ZKSCAN2: variants seen among roughly 807,000 people sequenced by gnomAD.
ZKSCAN2 encodes the protein zinc finger protein with KRAB and SCAN domains 2.
ZKSCAN2 carries 38 observed loss-of-function variants against 90.5 expected under a neutral mutation model. The ratio of observed to expected loss-of-function variants is 0.42; its 90% CI spans 0.32 to 0.55. The LOEUF is 0.55. Ranked by LOEUF, ZKSCAN2 falls within the 20% of genes least tolerant of loss-of-function variation. The pLI is 0.11. For missense variants in ZKSCAN2, 1,167 were observed against 1,202.6 expected, an observed-to-expected ratio of 0.97 and a Z score of 0.44; for synonymous variants, 429 against 421.6, an observed-to-expected ratio of 1.02 and a Z score of -0.22.
chr16:25,240,328 T>C lies in ZKSCAN2; in HGVS notation c.2392A>G (p.Thr798Ala), dbSNP rs1962832472. Residue 798 changes from threonine to alanine, a missense_variant, in exon 7 of 7, where the codon ACA becomes GCA. Thr to Ala is a moderately conservative substitution (Grantham distance 58). Transcript: ENST00000328086. ...RSLIRHQRIHTGEKPFKCLDC... is the reference protein window; with the variant it reads ...RSLIRHQRIHAGEKPFKCLDC... The stretch of plus-strand genomic sequence containing the variant: ...AGACATTTAAAAGGTTTTTCGCCTG[T>C]GTGGATTCTTTGGTGTCTGATCAGG... The C allele has an allele frequency of 6.2e-7, 1 of 1,614,162 alleles. No individual in the cohort carries two copies. The highest frequency in any genetic ancestry group is 2.2e-5 in the East Asian group (1 of 44,890).
intron 4 of ZKSCAN2, among the ~76,000 whole-genome samples, chr16:25,247,912 G>C (rs896577505): frequency 6.6e-6 from 1 of 152,140 alleles, no homozygotes; most frequent in Non-Finnish European, 1.5e-5. Flanking sequence ...ACAAAGACCA[G>C]TAGAACAGAA....
rs760279119 is a variant in ZKSCAN2, at chr16:25,247,005, G to A, written c.1191C>T (p.Phe397=). 5.0e-6 allele frequency: 8 copies of A among 1,614,126 alleles called. No homozygotes were observed. The South Asian group carries it at 8.8e-5, about 18-fold the overall frequency. ...LRTPEQCRTK[F]KSLQKSYRKV... ...TTCGATAGCTTTTCTGGAGACTTTT[G>A]AACTTGGTTCGACACTGTTCTGGGG... is the stretch of plus-strand genomic sequence containing the variant. Residue 397 remains phenylalanine (F), a synonymous_variant, in exon 5 of 7, where the codon TTC becomes TTT. Transcript: ENST00000328086.
chr16:25,256,683 C>A, intron 1 of ZKSCAN2, 46 bp downstream of exon 1: 1 of 1,563,500 alleles, frequency 6.4e-7, no homozygotes, highest in Non-Finnish European at 8.6e-7. Context: ...ATGCCTTTCC[C>A]ATTCCCTTTT....
rs1235764171 is a variant in ZKSCAN2, at chr16:25,237,073, G to A, written c.*2743C>T. On this transcript the variant is annotated 3_prime_UTR_variant, in exon 7 of 7. Coordinates refer to ENST00000328086, the MANE Select transcript of ZKSCAN2 (RefSeq NM_001012981.5). ...ACATACAGATCTACACACACATGTAGACGTGTGTGTGTACACATACTGCGC... is the reference window on the plus strand; with the variant it reads ...ACATACAGATCTACACACACATGTAAACGTGTGTGTGTACACATACTGCGC... 3 of 152,174 alleles carry A rather than the reference G, an allele frequency of 2.0e-5. No individual in the cohort carries two copies. Among genetic ancestry groups the A allele is most frequent in the Admixed American group, 1.3e-4 (2 of 15,196 alleles). The allele number at this position is 152,174 out of a possible 1,614,324, so 9.4% of individuals were successfully genotyped here. A position where few individuals can be genotyped will look rare whatever the true frequency, so the allele number is the denominator to read the frequency against.
chr16:25,244,429 GAGA>G (rs762173617), intron 5 of ZKSCAN2, among the ~76,000 whole-genome samples, 153 bp from the exon 6 acceptor site: 4 of 152,284 alleles, frequency 2.6e-5, no homozygotes, highest in Non-Finnish European at 4.4e-5. Context: ...TGCAAGAAAT[GAGA>G]AGGTCTATAT....
chr16:25,243,780 C>CAAAACTCCTTGGT lies in ZKSCAN2; in HGVS notation c.1981+4_1981+5insACCAAGGAGTTTT. The CAAAACTCCTTGGT allele has an allele frequency of 1.3e-6, 2 of 1,596,718 alleles. No homozygotes were observed. Among genetic ancestry groups the CAAAACTCCTTGGT allele is most frequent in the Non-Finnish European group, 1.7e-6 (2 of 1,171,116 alleles). On this transcript the variant is annotated splice_donor_region_variant and intron_variant, in intron 6 of 6. Coordinates refer to ENST00000328086, the MANE Select transcript of ZKSCAN2 (RefSeq NM_001012981.5). ...GGACTAAAACTCCTTGGTTTTGCAC[C>CAAAACTCCTTGGT]TTACCATTTGGGCTCTGCAGTAGAC...
intron 4 of ZKSCAN2, among the ~76,000 whole-genome samples, chr16:25,250,793 G>T (rs1425950125): frequency 6.6e-6 from 1 of 152,158 alleles, no homozygotes; most frequent in East Asian, 1.9e-4. Context: ...TTTTGCTCTT[G>T]TTGCCCATGC....
At chr16:25,243,575 C>T (rs544789728) in intron 6 of ZKSCAN2, among the ~76,000 whole-genome samples, 7 of 152,306 alleles carry the variant, frequency 4.6e-5, no homozygotes, top group Admixed American at 1.3e-4. Context: ...GTGATCCACC[C>T]GCCTCAACCT....
At position 25,246,794 on chromosome 16, in the gene ZKSCAN2, C is replaced by T. The variant is rs760894861; in HGVS notation, c.1402G>A (p.Glu468Lys). 23 of 1,614,122 alleles carry T rather than the reference C, an allele frequency of 1.4e-5. No homozygotes were observed. Among genetic ancestry groups the T allele is most frequent in the Non-Finnish European group, 1.9e-5 (22 of 1,180,046 alleles). The change falls in exon 5 of 7, where the codon GAA becomes AAA. Residue 468 changes from glutamate to lysine, a missense_variant. Physicochemically the swap from Glu to Lys is moderately conservative, Grantham distance 56 (BLOSUM62 1). Transcript: ENST00000328086. The part of the protein sequence containing the change: ...ISLVEEEEAA[E>K]DSDDDEIGIE... ...CCTATTTCATCATCATCAGAATCTT[C>T]TGCAGCTTCCTCCTCCTCCACCAAG...
At position 25,238,697 on chromosome 16, in the gene ZKSCAN2, C is replaced by T. The variant is rs1191485848; in HGVS notation, c.*1119G>A. 1 of 152,196 alleles carries T rather than the reference C, an allele frequency of 6.6e-6. No individual in the cohort carries two copies. Among genetic ancestry groups the T allele is most frequent in the East Asian group, 1.9e-4 (1 of 5,200 alleles). 9.4% of individuals were successfully genotyped at this position (152,196 alleles called of 1,614,324 possible). On this transcript the variant is annotated 3_prime_UTR_variant, in exon 7 of 7. Coordinates refer to ENST00000328086, the MANE Select transcript of ZKSCAN2 (RefSeq NM_001012981.5). ...CAGGAAAAGAGACTGGGAGATTTAA[C>T]AGCCAGACCTGAGAGCGCTGGTCTA...
Position 25,255,231 on chromosome 16 carries a change from T to G in ZKSCAN2, c.561A>C (p.Arg187=). Residue 187 remains arginine, a synonymous_variant, in exon 2 of 7, where the codon CGA becomes CGC. Coordinates refer to ENST00000328086, the MANE Select transcript of ZKSCAN2 (RefSeq NM_001012981.5). The stretch of plus-strand genomic sequence containing the variant: ...CATTCTTGGGTAAGGGCCGACGTTC[T>G]CGCTTTCGGTTCAGCTGTTCCTGGT... The part of the protein sequence containing the change: ...SGHQEQLNRK[R]ERRPLPKNAR... 1.2e-6 allele frequency: 2 copies of G among 1,608,412 alleles called. No individual in the cohort carries two copies. The highest frequency in any genetic ancestry group is 2.2e-5 in the East Asian group (1 of 44,804).
At chr16:25,254,797 T>C (rs1193550095) in intron 2 of ZKSCAN2, among the ~76,000 whole-genome samples, 3 of 149,222 alleles carry the variant, frequency 2.0e-5, no homozygotes, top group Non-Finnish European at 4.5e-5. Context: ...TTTGGATCTT[T>C]TTTTTTTTTT....
intron 4 of ZKSCAN2, among the ~76,000 whole-genome samples, chr16:25,247,796 A>G (rs1962956584): frequency 6.6e-6 from 1 of 152,180 alleles, no homozygotes; most frequent in African/African-American, 2.4e-5. Flanking sequence ...ATACATACAT[A>G]TATAGGCACT....
Position 25,255,425 on chromosome 16 carries a change from T to C in ZKSCAN2, c.400-33A>G. ...ATGAAGTCAATACCATAAGAGGGAG[T>C]AAAACAGGCCCATATCAGGGCGAAA... On this transcript the variant is annotated intron_variant, in intron 1 of 6. Coordinates refer to ENST00000328086, the MANE Select transcript of ZKSCAN2 (RefSeq NM_001012981.5). The C allele has an allele frequency of 1.9e-6, 3 of 1,588,114 alleles. No individual in the cohort carries two copies. The South Asian group carries it at 3.4e-5, about 18-fold the overall frequency.
chr16:25,247,973 A>G (rs571852963), intron 4 of ZKSCAN2, among the ~76,000 whole-genome samples: 47 of 152,332 alleles, frequency 3.1e-4, no homozygotes, highest in African/African-American at 1.1e-3. Context: ...AATCTTTGAC[A>G]GAGTGCCAAG....
chr16:25,257,473 G>A lies in ZKSCAN2; in HGVS notation c.-346C>T. The A allele has an allele frequency of 9.8e-7, 1 of 1,020,270 alleles. No individual in the cohort carries two copies. Among genetic ancestry groups the A allele is most frequent in the Non-Finnish European group, 1.2e-6 (1 of 853,986 alleles). The allele number at this position is 1,020,270 out of a possible 1,614,324, so 63.2% of individuals were successfully genotyped here. A position where few individuals can be genotyped will look rare whatever the true frequency, so the allele number is the denominator to read the frequency against. Reference sequence around the variant, plus strand: ...GGCTGAGGAAAGGCTGGGCGGAGGCGGACAGCCGGGCCGGGAGGGGGTGTG... The same window carrying A: ...GGCTGAGGAAAGGCTGGGCGGAGGCAGACAGCCGGGCCGGGAGGGGGTGTG... On this transcript the variant is annotated 5_prime_UTR_variant, in exon 1 of 7. Transcript: ENST00000328086.
At chr16:25,251,332 G>A (rs765206708) in intron 4 of ZKSCAN2, among the ~76,000 whole-genome samples, 9 of 151,974 alleles carry the variant, frequency 5.9e-5, no homozygotes, top group Non-Finnish European at 1.2e-4. Flanking sequence ...ATTACATGAA[G>A]GGGAAAAATA....
At chr16:25,247,508 T>G in intron 4 of ZKSCAN2, 118 bp from the exon 5 acceptor site, 10 of 726,774 alleles carry the variant, frequency 1.4e-5, no homozygotes, top group Non-Finnish European at 2.2e-5. Flanking sequence ...TCCTCAGCTG[T>G]GACACTGCAC....
At chr16:25,251,762 G>T in intron 4 of ZKSCAN2, 147 bp downstream of exon 4, 1 of 806,532 alleles carries the variant, frequency 1.2e-6, no homozygotes, top group Non-Finnish European at 1.9e-6. Flanking sequence ...GTGGGTGAGG[G>T]AAGAGAACCT....
Sources: gnomAD v4.1 joint callset for allele counts (sites outside exome capture counted in the v4.1 genomes callset) on GRCh38, gnomAD v4.1.1 for gene constraint, MANE v1.5 for transcripts, NCBI Gene and HGNC (gene_info 2026-07-23, HGNC 2026-07-21) for gene names.